Variants in FOXP2 observed in about 807,000 individuals in gnomAD.
FOXP2 encodes the protein forkhead box protein P2.
In FOXP2, 12 loss-of-function variants were observed where a neutral mutation model predicts 115.8. The ratio of observed to expected loss-of-function variants is 0.10; its 90% CI spans 0.07 to 0.17. The LOEUF (loss-of-function observed/expected upper bound fraction) is 0.17, where lower values mean the gene tolerates loss of function less well. Among genes scored for constraint, FOXP2 ranks in the 10% least tolerant of loss-of-function variants. The probability of loss-of-function intolerance (pLI) is 1.00; values close to 1 mark genes in which losing one functional copy is unlikely to be tolerated. For missense variants in FOXP2, 629 were observed against 843.5 expected, an observed-to-expected ratio of 0.75 and a Z score of 3.15; for synonymous variants, 328 against 297.7, an observed-to-expected ratio of 1.10 and a Z score of -1.05.
At chr7:114,463,104 C>G in intron 2 of FOXP2, 1 of 424,202 alleles carries the variant, frequency 2.4e-6, no homozygotes, top group Non-Finnish European at 4.7e-6. Flanking sequence ...TCATAACTCA[C>G]TGCAACCTGG....
rs558581026 is a variant in FOXP2, at chr7:114,423,788, G to T, written c.-10-2714G>T. On this transcript the variant is annotated intron_variant, in intron 1 of 16. Coordinates refer to ENST00000350908, the MANE Select transcript of FOXP2 (RefSeq NM_014491.4). ...GAAATAAGTGGAAGTGTTACCAAGA[G>T]AAACTTAGTAAATGCTAGAAATAAT... Among the ~76,000 whole-genome samples, 8 of 151,702 alleles carry T rather than the reference G, an allele frequency of 5.3e-5. No homozygotes were observed. In the South Asian group the frequency reaches 1.2e-3, roughly 24 times the overall value.
intron 5 of FOXP2, 144 bp downstream of exon 5, chr7:114,630,149 A>C (rs1484918281): frequency 4.3e-6 from 6 of 1,410,632 alleles, no homozygotes; most frequent in Non-Finnish European, 5.9e-6. Flanking sequence ...GCTTAGTAAC[A>C]GTGATAGGCT....
chr7:114,295,663 A>T (rs1796725685), intron 2 of FOXP2, among the ~76,000 whole-genome samples: 1 of 152,208 alleles, frequency 6.6e-6, no homozygotes. Flanking sequence ...GTCATGTAAA[A>T]TGAAGTTATA....
intron 2 of FOXP2, among the ~76,000 whole-genome samples, chr7:114,360,132 T>C (rs1477986204): frequency 6.6e-6 from 1 of 152,160 alleles, no homozygotes; most frequent in Non-Finnish European, 1.5e-5. Flanking sequence ...TGGTAATGTA[T>C]AAATCTCACA....
At chr7:114,471,046 C>T (rs1040356806) in intron 2 of FOXP2, among the ~76,000 whole-genome samples, 3 of 152,126 alleles carry the variant, frequency 2.0e-5, no homozygotes, top group Non-Finnish European at 4.4e-5. Flanking sequence ...ACTACCCATT[C>T]TTCTGCATTC....
At chr7:114,282,280 T>C (rs1562852451) in intron 1 of FOXP2, among the ~76,000 whole-genome samples, 1 of 152,188 alleles carries the variant, frequency 6.6e-6, no homozygotes, top group Non-Finnish European at 1.5e-5. Context: ...AATTATGTTT[T>C]ATTAAGGTAT....
chr7:114,157,977 A>G (rs1463884289), intron 1 of FOXP2, among the ~76,000 whole-genome samples: 1 of 152,092 alleles, frequency 6.6e-6, no homozygotes, highest in Non-Finnish European at 1.5e-5. Context: ...AAGAAACAAT[A>G]TTTAAGAAAA....
At chr7:114,350,923 A>G (rs1791471830) in intron 2 of FOXP2, among the ~76,000 whole-genome samples, 1 of 152,092 alleles carries the variant, frequency 6.6e-6, no homozygotes, top group Non-Finnish European at 1.5e-5. Flanking sequence ...TTTGCGTATA[A>G]CCTACACACA....
intron 2 of FOXP2, among the ~76,000 whole-genome samples, chr7:114,451,322 T>C (rs1342053581): frequency 6.6e-6 from 1 of 152,036 alleles, no homozygotes; most frequent in Non-Finnish European, 1.5e-5. Context: ...AAAGTGCACA[T>C]ATTTCGGTGT....
chr7:114,121,174 G>C (rs563559746), intron 1 of FOXP2, among the ~76,000 whole-genome samples: 60 of 152,080 alleles, frequency 3.9e-4, no homozygotes, highest in African/African-American at 1.3e-3. Flanking sequence ...CATGAGGATG[G>C]AGCCCTCGTG....
At chr7:114,603,471 A>C (rs1212929601) in intron 3 of FOXP2, among the ~76,000 whole-genome samples, 1 of 152,236 alleles carries the variant, frequency 6.6e-6, no homozygotes, top group African/African-American at 2.4e-5. Context: ...TGTTGGCCTA[A>C]TGACCAATTA....
chr7:114,385,034 G>A (rs1017328623), intron 2 of FOXP2, among the ~76,000 whole-genome samples: 3 of 148,686 alleles, frequency 2.0e-5, no homozygotes, highest in African/African-American at 7.5e-5. Context: ...CTCCCTCTTT[G>A]TCTCTCTCTC....
chr7:114,454,595 A>G lies in FOXP2; in HGVS notation c.168+27916A>G, dbSNP rs1200513752. On this transcript the variant is annotated intron_variant, in intron 2 of 16. Transcript: ENST00000350908. ...GTATGTTTATTGCGGCATTATTCAC[A>G]ATAGCAAAGACTTGGAACCAACCCA... is the stretch of plus-strand genomic sequence containing the variant. Among the ~76,000 whole-genome samples the G allele has an allele frequency of 6.2e-3, 895 of 143,380 alleles. 3 individuals carry two copies. The highest frequency in any genetic ancestry group is 0.018 in the African/African-American group (674 of 37,310). 94.1% of individuals were successfully genotyped at this position (143,380 alleles called of 152,430 possible). A position where few individuals can be genotyped will look rare whatever the true frequency, so the allele number is the denominator to read the frequency against.
intron 16 of FOXP2, chr7:114,666,554 C>T (rs922056404): frequency 3.3e-5 from 5 of 152,044 alleles, no homozygotes; most frequent in African/African-American, 4.8e-5. Context: ...GAGTGCATTT[C>T]AAAATACTTT....
chr7:114,540,176 C>T (rs1799585257), intron 3 of FOXP2, among the ~76,000 whole-genome samples: 1 of 151,914 alleles, frequency 6.6e-6, no homozygotes. Flanking sequence ...GAAGTATGCC[C>T]TTGTTGTAAT....
chr7:114,241,690 G>A (rs1375852555), intron 1 of FOXP2, among the ~76,000 whole-genome samples: 1 of 151,502 alleles, frequency 6.6e-6, no homozygotes, highest in African/African-American at 2.4e-5. Context: ...TTATAATGTT[G>A]GGCACATAGG....
chr7:114,301,560 C>T (rs574522944), intron 2 of FOXP2, among the ~76,000 whole-genome samples: 4 of 152,204 alleles, frequency 2.6e-5, no homozygotes, highest in Admixed American at 1.3e-4. Flanking sequence ...CTAAGTTCTT[C>T]ATCTCTGCTA....
chr7:114,141,633 G>C (rs1023985892), intron 1 of FOXP2, among the ~76,000 whole-genome samples: 1 of 152,166 alleles, frequency 6.6e-6, no homozygotes, highest in Admixed American at 6.5e-5. Flanking sequence ...TTAGTCAATT[G>C]TCACTGCTGC....
intron 3 of FOXP2, among the ~76,000 whole-genome samples, chr7:114,606,101 G>A (rs1183707176): frequency 6.6e-6 from 1 of 152,106 alleles, no homozygotes; most frequent in Non-Finnish European, 1.5e-5. Flanking sequence ...AGTAGTTACT[G>A]GCTGATTGAA....
Sources: gnomAD v4.1 joint callset for allele counts (sites outside exome capture counted in the v4.1 genomes callset) on GRCh38, gnomAD v4.1.1 for gene constraint, MANE v1.5 for transcripts, NCBI Gene and HGNC (gene_info 2026-07-23, HGNC 2026-07-21) for gene names.